The following NRXN3 variants were observed in gnomAD, a reference collection of about 807,000 sequenced individuals.
The protein encoded by NRXN3 is neurexin 3, also known as neurexin III.
A neutral mutation model predicts 137.6 loss-of-function variants in NRXN3; 32 were observed. The observed-to-expected ratio is 0.23, with a 90% CI of 0.18 to 0.31. The LOEUF is 0.31. NRXN3 is among the 10% of genes least tolerant of loss of function. The probability of loss-of-function intolerance (pLI) is 1.00; values close to 1 mark genes in which losing one functional copy is unlikely to be tolerated. For missense variants in NRXN3, 1,574 were observed against 2,062.5 expected (o/e 0.76, Z 4.59); for synonymous variants, 798 against 784.5 (o/e 1.02, Z -0.29).
At chr14:79,662,003 T>A (rs1226568512) in intron 16 of NRXN3, among the ~76,000 whole-genome samples, 1 of 152,128 alleles carries the variant, frequency 6.6e-6, no homozygotes, top group Non-Finnish European at 1.5e-5. Context: ...CTCATGATAG[T>A]GAGTGAGTTC....
At chr14:78,257,770 C>A (rs190933546) in intron 2 of NRXN3, among the ~76,000 whole-genome samples, 1 of 152,256 alleles carries the variant, frequency 6.6e-6, no homozygotes, top group Admixed American at 6.5e-5. Flanking sequence ...AACCGGGAAC[C>A]ATTGGAAGTT....
At chr14:79,670,189 C>G (rs2098599235) in intron 17 of NRXN3, among the ~76,000 whole-genome samples, 1 of 152,080 alleles carries the variant, frequency 6.6e-6, no homozygotes, top group African/African-American at 2.4e-5. Flanking sequence ...AATATGCCAT[C>G]TTTTATTTCC....
intron 6 of NRXN3, among the ~76,000 whole-genome samples, chr14:78,693,395 T>A (rs2098192322): frequency 6.6e-6 from 1 of 151,990 alleles, no homozygotes; most frequent in Admixed American, 6.6e-5. Flanking sequence ...GTAGTTCTCA[T>A]AAAACTTGTT....
intron 6 of NRXN3, among the ~76,000 whole-genome samples, chr14:78,689,421 G>A (rs2098150738): frequency 6.6e-6 from 1 of 152,078 alleles, no homozygotes; most frequent in Non-Finnish European, 1.5e-5. Flanking sequence ...AGCACTTCTT[G>A]TTATTTGAGT....
At chr14:79,297,046 A>C (rs556587975) in intron 15 of NRXN3, among the ~76,000 whole-genome samples, 46 of 152,282 alleles carry the variant, frequency 3.0e-4, no homozygotes, top group East Asian at 1.4e-3. Flanking sequence ...ATTTAAGCAG[A>C]ATCCTCACTT....
At chr14:79,342,555 A>T (rs937510408) in intron 15 of NRXN3, among the ~76,000 whole-genome samples, 3 of 150,356 alleles carry the variant, frequency 2.0e-5, no homozygotes, top group Non-Finnish European at 4.4e-5. Flanking sequence ...TTTGTATCAG[A>T]TTTTTCAAGG....
chr14:79,486,519 C>T (rs921153442), intron 16 of NRXN3, among the ~76,000 whole-genome samples: 4 of 152,134 alleles, frequency 2.6e-5, no homozygotes, highest in African/African-American at 4.8e-5. Context: ...TGGTGACAAA[C>T]GGAGCCACCA....
intron 16 of NRXN3, among the ~76,000 whole-genome samples, chr14:79,540,850 G>A (rs1021423085): frequency 6.6e-6 from 1 of 152,144 alleles, no homozygotes; most frequent in Non-Finnish European, 1.5e-5. Flanking sequence ...CTGGAGGAGT[G>A]TCTGAATTTT....
intron 16 of NRXN3, among the ~76,000 whole-genome samples, chr14:79,485,277 A>G (rs1247394933): frequency 6.6e-6 from 1 of 152,126 alleles, no homozygotes; most frequent in Non-Finnish European, 1.5e-5. Flanking sequence ...AAAATGCTTC[A>G]GATACTTCCT....
chr14:78,900,378 T>C (rs2099191811), intron 10 of NRXN3, among the ~76,000 whole-genome samples: 1 of 151,770 alleles, frequency 6.6e-6, no homozygotes, highest in Admixed American at 6.6e-5. Flanking sequence ...CCTGTTTAGG[T>C]CCTGTTTCTC....
chr14:79,326,351 A>G (rs1217534354), intron 15 of NRXN3, among the ~76,000 whole-genome samples: 1 of 152,168 alleles, frequency 6.6e-6, no homozygotes, highest in Non-Finnish European at 1.5e-5. Flanking sequence ...ATATGTGTAT[A>G]TATTGTTTAG....
intron 4 of NRXN3, among the ~76,000 whole-genome samples, chr14:78,326,622 G>T (rs1285624040): frequency 6.6e-6 from 1 of 152,212 alleles, no homozygotes; most frequent in African/African-American, 2.4e-5. Flanking sequence ...CAGGGAAAGA[G>T]AAGTTAACTA....
intron 4 of NRXN3, among the ~76,000 whole-genome samples, chr14:78,412,986 T>G (rs2092922395): frequency 6.6e-6 from 1 of 152,212 alleles, no homozygotes; most frequent in Non-Finnish European, 1.5e-5. Context: ...GTATTTGATA[T>G]GGGAACAGGA....
chr14:79,097,953 T>TATTA (rs2050640453), intron 15 of NRXN3, among the ~76,000 whole-genome samples: 2 of 152,164 alleles, frequency 1.3e-5, no homozygotes, highest in South Asian at 4.1e-4. Flanking sequence ...TTTGGGCTTA[T>TATTA]ATTAGTCTCC....
intron 2 of NRXN3, among the ~76,000 whole-genome samples, chr14:78,262,860 T>C (rs2071004433): frequency 1.3e-5 from 2 of 152,200 alleles, no homozygotes; most frequent in Non-Finnish European, 2.9e-5. Context: ...GACCTCTTAC[T>C]ACGTTTCGGG....
At chr14:78,525,730 C>T (rs1418553414) in intron 4 of NRXN3, among the ~76,000 whole-genome samples, 2 of 152,134 alleles carry the variant, frequency 1.3e-5, no homozygotes, top group Non-Finnish European at 2.9e-5. Context: ...TCAATTAATA[C>T]TTTAGGAGAG....
rs2099413099 is a variant in NRXN3 at position 79,861,094 on chromosome 14, T to C, written c.4094-248T>C. The C allele has an allele frequency of 6.9e-7, 1 of 1,440,244 alleles. No individual in the cohort carries two copies. Among genetic ancestry groups the C allele is most frequent in the African/African-American group, 1.4e-5 (1 of 69,848 alleles). The allele number at this position is 1,440,244 out of a possible 1,614,324, so 89.2% of individuals were successfully genotyped here. A position where few individuals can be genotyped will look rare whatever the true frequency, so the allele number is the denominator to read the frequency against. The stretch of plus-strand genomic sequence containing the variant: ...AAGACCCTTTAGCTACCCCTCCTAT[T>C]GCTACTCGTGCACCTTCCATTACAC... On this transcript the variant is annotated intron_variant, in intron 20 of 20. Coordinates refer to ENST00000335750, the MANE Select transcript of NRXN3 (RefSeq NM_001330195.2). This position sits in a 1 kb window ranked among gnomAD's most constrained non-coding sequence, Gnocchi z 5.4.
intron 6 of NRXN3, among the ~76,000 whole-genome samples, chr14:78,678,892 C>G (rs893815337): frequency 6.6e-6 from 1 of 152,138 alleles, no homozygotes; most frequent in Non-Finnish European, 1.5e-5. Context: ...TTATTAGCAC[C>G]AAGTTGCTGT....
At chr14:79,660,074 T>C (rs1053259300) in intron 16 of NRXN3, among the ~76,000 whole-genome samples, 1 of 152,144 alleles carries the variant, frequency 6.6e-6, no homozygotes, top group African/African-American at 2.4e-5. Context: ...AAAAATCAAG[T>C]AATTTGCCCA....
Sources: gnomAD v4.1 joint callset for allele counts (sites outside exome capture counted in the v4.1 genomes callset) on GRCh38, gnomAD v4.1.1 for gene constraint, Gnocchi (gnomAD v3.1) non-coding constraint, MANE v1.5 for transcripts, NCBI Gene and HGNC (gene_info 2026-07-23, HGNC 2026-07-21) for gene names.